The following PLEKHO2 variants were observed in gnomAD, a reference collection of about 807,000 sequenced individuals.
PLEKHO2 encodes pleckstrin homology domain containing O2.
Under a neutral mutation model 32.7 loss-of-function variants are expected in PLEKHO2, and 20 were observed. The ratio of observed to expected loss-of-function variants is 0.61; its 90% CI spans 0.43 to 0.89. The LOEUF (loss-of-function observed/expected upper bound fraction) is 0.89. Among genes scored for constraint, PLEKHO2 ranks in the 40% least tolerant of loss-of-function variants. The pLI, the probability that PLEKHO2 is intolerant of heterozygous loss-of-function variation, is 0.00. For synonymous variants in PLEKHO2, 247 were observed against 246.3 expected, an observed-to-expected ratio of 1.00 and a Z score of -0.03; for missense variants, 568 against 621.2, an observed-to-expected ratio of 0.91 and a Z score of 0.91.
rs571429978 is a variant in PLEKHO2 at position 64,842,141 on chromosome 15, C to T, written c.12+113C>T. The stretch of plus-strand genomic sequence containing the variant: ...CCCGCCCCACTCCCGCCAGTCTCAC[C>T]TCAGGAAGAGCCTGGGCAAATGGGG... On this transcript the variant is annotated intron_variant, in intron 1 of 5. Coordinates refer to ENST00000323544, the MANE Select transcript of PLEKHO2 (RefSeq NM_025201.5). 4.9e-6 allele frequency: 5 copies of T among 1,029,726 alleles called. No homozygotes were observed. The South Asian group carries it at 2.0e-4, about 40-fold the overall frequency. The allele number at this position is 1,029,726 out of a possible 1,614,324, so 63.8% of individuals were successfully genotyped here.
intron 4 of PLEKHO2, 40 bp downstream of exon 4, chr15:64,860,038 C>T: frequency 6.4e-7 from 1 of 1,567,354 alleles, no homozygotes. Flanking sequence ...TCTGTGTCTC[C>T]TTTCCCACTG....
intron 1 of PLEKHO2, 108 bp from the exon 2 acceptor site, chr15:64,848,485 G>A (rs1567095267): frequency 7.8e-7 from 1 of 1,280,404 alleles, no homozygotes; most frequent in East Asian, 2.3e-5. Flanking sequence ...ATATTATGAT[G>A]TCATTAGGTA....
intron 1 of PLEKHO2, among the ~76,000 whole-genome samples, chr15:64,846,315 CCTT>C (rs1595827181): frequency 1.3e-5 from 2 of 151,700 alleles, no homozygotes; most frequent in South Asian, 4.1e-4. Flanking sequence ...TCTGGGAAGA[CCTT>C]TTTTTTTTTT....
chr15:64,845,901 G>A (rs2140337972), intron 1 of PLEKHO2, among the ~76,000 whole-genome samples: 1 of 152,270 alleles, frequency 6.6e-6, no homozygotes, highest in East Asian at 1.9e-4. Context: ...GGCGAGCTTG[G>A]AGCTCAGAGG....
At chr15:64,842,968 C>T (rs1261102626) in intron 1 of PLEKHO2, among the ~76,000 whole-genome samples, 1 of 152,204 alleles carries the variant, frequency 6.6e-6, no homozygotes, top group Non-Finnish European at 1.5e-5. Flanking sequence ...GAGGGGGTCC[C>T]AGCTTCAGCC....
Position 64,865,773 on chromosome 15 carries a change from A to C in PLEKHO2, c.1358A>C (p.Gln453Pro). The C allele has an allele frequency of 7.4e-6, 12 of 1,614,176 alleles. No individual in the cohort carries two copies. Among genetic ancestry groups the C allele is most frequent in the Non-Finnish European group, 1.0e-5 (12 of 1,180,030 alleles). Reference sequence around the variant, plus strand: ...AGCCAGGCTGTGGAGCAGCTGAGGCAGGCCACCCAGGTCCTGCAGGAAATG... The same window carrying C: ...AGCCAGGCTGTGGAGCAGCTGAGGCCGGCCACCCAGGTCCTGCAGGAAATG... ...LLSQAVEQLR[Q>P]ATQVLQEMRD... Residue 453 changes from glutamine to proline, a missense_variant, in exon 6 of 6, where the codon CAG (glutamine) becomes CCG (proline). Transcript: ENST00000323544.
chr15:64,854,248 G>C (rs1426499274), intron 2 of PLEKHO2, among the ~76,000 whole-genome samples: 1 of 152,252 alleles, frequency 6.6e-6, no homozygotes, highest in East Asian at 1.9e-4. Flanking sequence ...GCTGGGCACT[G>C]TTCTGGCCAC....
At position 64,866,098 on chromosome 15, in the gene PLEKHO2, C is replaced by T. The variant is rs2084684584; in HGVS notation, c.*210C>T. On this transcript the variant is annotated 3_prime_UTR_variant, in exon 6 of 6. Transcript: ENST00000323544. ...TGCCAGGTGCCACCCAGGGCTACTG[C>T]CTGGCTATCTGGCCTGGCCTCTGGG... The T allele has an allele frequency of 1.5e-6, 1 of 666,304 alleles. No individual in the cohort carries two copies. Among genetic ancestry groups the T allele is most frequent in the Non-Finnish European group, 2.5e-6 (1 of 399,154 alleles). The allele number at this position is 666,304 out of a possible 1,614,324, so 41.3% of individuals were successfully genotyped here.
At chr15:64,853,990 C>G (rs549081383) in intron 2 of PLEKHO2, among the ~76,000 whole-genome samples, 1 of 152,156 alleles carries the variant, frequency 6.6e-6, no homozygotes, top group African/African-American at 2.4e-5. Context: ...GGTGTACCCT[C>G]CCCCACCAAA....
chr15:64,860,119 G>C, intron 4 of PLEKHO2, 121 bp downstream of exon 4: 11 of 812,226 alleles, frequency 1.4e-5, no homozygotes, highest in Non-Finnish European at 2.0e-5. Context: ...CTGCTATGGG[G>C]CATTGTTGTT....
At chr15:64,862,253 G>T (rs2084646800) in intron 5 of PLEKHO2, among the ~76,000 whole-genome samples, 1 of 152,120 alleles carries the variant, frequency 6.6e-6, no homozygotes, top group Admixed American at 6.6e-5. Flanking sequence ...GGGTAGGATG[G>T]GTTGGGTTGA....
chr15:64,856,630 G>A (rs1336125946), intron 3 of PLEKHO2, among the ~76,000 whole-genome samples: 4 of 152,110 alleles, frequency 2.6e-5, no homozygotes, highest in African/African-American at 9.7e-5. Flanking sequence ...AAGAATTTAG[G>A]CTGGCTCTGA....
intron 2 of PLEKHO2, among the ~76,000 whole-genome samples, chr15:64,854,380 A>G (rs1018206883): frequency 6.6e-6 from 1 of 152,200 alleles, no homozygotes. Flanking sequence ...CTCCCAAGCC[A>G]GGGCTCCGCA....
intron 5 of PLEKHO2, among the ~76,000 whole-genome samples, chr15:64,863,179 G>A (rs1022327282): frequency 5.3e-5 from 8 of 152,032 alleles, no homozygotes; most frequent in Admixed American, 2.6e-4. Context: ...CTCGTGATCT[G>A]CCCACTTTGG....
At chr15:64,843,641 C>A (rs965977547) in intron 1 of PLEKHO2, among the ~76,000 whole-genome samples, 3 of 149,892 alleles carry the variant, frequency 2.0e-5, no homozygotes, top group African/African-American at 7.4e-5. Flanking sequence ...AGTGCAGTGG[C>A]GAGATATTGG....
intron 1 of PLEKHO2, among the ~76,000 whole-genome samples, chr15:64,843,709 T>C (rs2084502689): frequency 1.3e-5 from 2 of 151,870 alleles, no homozygotes; most frequent in African/African-American, 4.8e-5. Flanking sequence ...GCCTCCTGAA[T>C]AGCTGGGATT....
chr15:64,843,702 T>TCAG (rs2084502553), intron 1 of PLEKHO2, among the ~76,000 whole-genome samples: 2 of 151,712 alleles, frequency 1.3e-5, no homozygotes, highest in African/African-American at 4.8e-5. Context: ...TGCCTCAGCC[T>TCAG]CCTGAATAGC....
intron 1 of PLEKHO2, among the ~76,000 whole-genome samples, chr15:64,846,226 G>A (rs1480905390): frequency 6.6e-6 from 1 of 152,232 alleles, no homozygotes; most frequent in East Asian, 1.9e-4. Context: ...TTCCCTTCTT[G>A]TCAAAGGGTG....
intron 1 of PLEKHO2, among the ~76,000 whole-genome samples, chr15:64,847,733 C>T (rs2084533242): frequency 6.6e-6 from 1 of 152,178 alleles, no homozygotes; most frequent in Non-Finnish European, 1.5e-5. Context: ...AACTCCTGTG[C>T]CAGCCTGTGG....
Sources: allele counts gnomAD v4.1 joint callset (sites outside exome capture counted in the v4.1 genomes callset), GRCh38; gene constraint gnomAD v4.1.1; transcripts MANE v1.5; gene names NCBI Gene and HGNC (gene_info 2026-07-23, HGNC 2026-07-21).